PFKFB3: variants seen among roughly 807,000 people sequenced by gnomAD.
The protein encoded by PFKFB3 is 6-phosphofructo-2-kinase/fructose-2,6-bisphosphatase 3.
A neutral mutation model predicts 68.0 loss-of-function variants in PFKFB3; 33 were observed. The observed-to-expected ratio is 0.49, with a 90% confidence interval of 0.37 to 0.65. The LOEUF (loss-of-function observed/expected upper bound fraction) is 0.65. Among genes scored for constraint, PFKFB3 ranks in the 30% least tolerant of loss-of-function variants. The pLI is 0.00. For missense variants in PFKFB3, 586 were observed against 712.2 expected, an observed-to-expected ratio of 0.82 and a Z score of 2.02; for synonymous variants, 315 against 288.2, an observed-to-expected ratio of 1.09 and a Z score of -0.94.
chr10:6,232,070 T>A (rs1564220809), intron 14 of PFKFB3, among the ~76,000 whole-genome samples: 1 of 152,198 alleles, frequency 6.6e-6, no homozygotes, highest in Non-Finnish European at 1.5e-5. Flanking sequence ...CTGGGCTCTC[T>A]CCCACCCTCT....
At chr10:6,209,878 G>A (rs572460235) in intron 1 of PFKFB3, among the ~76,000 whole-genome samples, 4 of 148,654 alleles carry the variant, frequency 2.7e-5, no homozygotes, top group African/African-American at 1.0e-4. Flanking sequence ...CATTCTCCTG[G>A]CTTAGCCTCC....
chr10:6,186,861 A>T (rs645611), intron 1 of PFKFB3, among the ~76,000 whole-genome samples: 68,442 of 151,888 alleles, frequency 0.45, 16,550 homozygotes, highest in Non-Finnish European at 0.56. Context: ...AAAGTATGTT[A>T]TAGGAAGAAG....
At position 6,235,181 on chromosome 10, in the gene PFKFB3, G is replaced by A. The variant is rs1235159642; in HGVS notation, c.*2239G>A. ...CTCCTTATTCTGTCCTGAGACCACGGGCAAAGCTCTTCATTTTGAGAGAGA... is the reference window on the plus strand; with the variant it reads ...CTCCTTATTCTGTCCTGAGACCACGAGCAAAGCTCTTCATTTTGAGAGAGA... On this transcript the variant is annotated 3_prime_UTR_variant, in exon 15 of 15. Coordinates refer to ENST00000379775, the MANE Select transcript of PFKFB3 (RefSeq NM_004566.4). 1 of 152,698 alleles carries A rather than the reference G, an allele frequency of 6.5e-6. No homozygotes were observed. The highest frequency in any genetic ancestry group is 1.9e-4 in the East Asian group (1 of 5,342). The allele number at this position is 152,698 out of a possible 1,614,324, so 9.5% of individuals were successfully genotyped here. A position where few individuals can be genotyped will look rare whatever the true frequency, so the allele number is the denominator to read the frequency against.
intron 1 of PFKFB3, among the ~76,000 whole-genome samples, chr10:6,164,229 C>CCA (rs75024048): frequency 0.63 from 95,014 of 151,718 alleles, 32,401 homozygotes; most frequent in Non-Finnish European, 0.78. Flanking sequence ...GAGGCGCCGC[C>CCA]AGTGAGCACC....
At chr10:6,208,986 C>CAG (rs1843980810) in intron 1 of PFKFB3, among the ~76,000 whole-genome samples, 1 of 152,226 alleles carries the variant, frequency 6.6e-6, no homozygotes, top group Non-Finnish European at 1.5e-5. Flanking sequence ...TGTAGACAGC[C>CAG]AGGGCTTAGC....
chr10:6,302,060 C>CTT, the PFKFB3 span, among the ~76,000 whole-genome samples: 111 of 146,166 alleles, frequency 7.6e-4, no homozygotes, highest in Middle Eastern at 3.4e-3. Flanking sequence ...TTTTCTTTTT[C>CTT]TTTTTTTTTT....
intron 1 of PFKFB3, among the ~76,000 whole-genome samples, chr10:6,179,837 G>A (rs998871957): frequency 6.6e-6 from 1 of 152,160 alleles, no homozygotes; most frequent in Non-Finnish European, 1.5e-5. Context: ...GCTCCAAAGT[G>A]GGGAGGGAGT....
downstream of PFKFB3, among the ~76,000 whole-genome samples, chr10:6,259,337 TCCATCCATCTAC>T (rs1164398382): frequency 6.2e-3 from 874 of 141,224 alleles, 4 homozygotes; most frequent in African/African-American, 0.022. Context: ...TCCATCTACA[TCCATCCATCTAC>T]CCATCCACCC....
the PFKFB3 span, among the ~76,000 whole-genome samples, chr10:6,314,230 C>T: frequency 1.5e-4 from 23 of 152,202 alleles, no homozygotes; most frequent in Non-Finnish European, 1.5e-5. Context: ...TAATTGAATA[C>T]CTACTGTGGT....
chr10:6,296,512 C>T, the PFKFB3 span, among the ~76,000 whole-genome samples: 18 of 152,176 alleles, frequency 1.2e-4, no homozygotes, highest in African/African-American at 3.6e-4. Flanking sequence ...GGCAGAGCAG[C>T]GGTGTGGGCT....
At chr10:6,262,430 G>A in the PFKFB3 span, among the ~76,000 whole-genome samples, 1 of 140,326 alleles carries the variant, frequency 7.1e-6, no homozygotes, top group African/African-American at 2.7e-5. Flanking sequence ...ACTCCAGCCT[G>A]GGCGACAGCG....
upstream of PFKFB3, among the ~76,000 whole-genome samples, chr10:6,200,659 C>CGGGGGGGG (rs57019530): frequency 1.2e-4 from 8 of 68,964 alleles, no homozygotes; most frequent in African/African-American, 4.6e-4. Flanking sequence ...ATGTAAGGAG[C>CGGGGGGGG]GGGGGGGGGG....
rs144329259 is a variant in PFKFB3 at position 6,207,492 on chromosome 10, A to G, written c.76+4156A>G. Among the ~76,000 whole-genome samples, 829 of 152,220 alleles carry G rather than the reference A, an allele frequency of 5.4e-3. 7 individuals are homozygous for G. Among genetic ancestry groups the G allele is most frequent in the African/African-American group, 0.019 (800 of 41,532 alleles). On this transcript the variant is annotated intron_variant, in intron 1 of 14. Transcript: ENST00000379775. ...TTTTTCATAGAGATGGGGTCTTGCT[A>G]TGTTGCTCAGGCTGATCTCGAACTC...
chr10:6,300,538 C>A, the PFKFB3 span, among the ~76,000 whole-genome samples: 1 of 152,152 alleles, frequency 6.6e-6, no homozygotes, highest in African/African-American at 2.4e-5. Context: ...GCCAGCTTTT[C>A]CAGAAAGCAA....
the PFKFB3 span, chr10:6,293,299 A>C: frequency 1.3e-4 from 50 of 370,752 alleles, no homozygotes; most frequent in Non-Finnish European, 2.1e-5. Context: ...CTGTGAGAAG[A>C]CCATTTCTGG....
intron 14 of PFKFB3, chr10:6,254,148 C>T (rs1228630405): frequency 2.6e-6 from 1 of 380,392 alleles, no homozygotes; most frequent in Non-Finnish European, 4.5e-6. Flanking sequence ...TCCACTCAAT[C>T]TAATCCACAA....
intron 1 of PFKFB3, 88 bp downstream of exon 1, chr10:6,203,424 T>G: frequency 3.3e-6 from 3 of 902,200 alleles, no homozygotes; most frequent in Non-Finnish European, 4.6e-6. Flanking sequence ...GACGCCCCTC[T>G]GCGGGGGGCG....
chr10:6,267,400 G>A, the PFKFB3 span, among the ~76,000 whole-genome samples: 1 of 152,350 alleles, frequency 6.6e-6, no homozygotes, highest in South Asian at 2.1e-4. Context: ...CCTCACTTCA[G>A]CATGTGTACT....
the PFKFB3 span, among the ~76,000 whole-genome samples, chr10:6,275,307 G>C: frequency 1.3e-5 from 2 of 152,212 alleles, no homozygotes; most frequent in South Asian, 4.1e-4. This position sits in a 1 kb window ranked among gnomAD's most constrained non-coding sequence, Gnocchi z 4.9. Flanking sequence ...TGCATAGCTT[G>C]TCTGTGACTC....
Sources: allele counts gnomAD v4.1 joint callset (sites outside exome capture counted in the v4.1 genomes callset), GRCh38; gene constraint gnomAD v4.1.1; non-coding constraint Gnocchi (gnomAD v3.1); transcripts MANE v1.5; gene names NCBI Gene and HGNC (gene_info 2026-07-23, HGNC 2026-07-21).